FHIT: variants seen among roughly 807,000 people sequenced by gnomAD.
FHIT encodes the protein fragile histidine triad diadenosine triphosphatase, also known as bis(5'-adenosyl)-triphosphatase.
Under a neutral mutation model 17.9 loss-of-function variants are expected in FHIT, and 19 were observed. The ratio of observed to expected loss-of-function variants is 1.06; its 90% CI spans 0.74 to 1.56. The LOEUF (loss-of-function observed/expected upper bound fraction) is 1.56. Ranked by LOEUF, FHIT falls within the 40% of genes most tolerant of loss-of-function variation. The probability of loss-of-function intolerance (pLI) is 0.00; values close to 1 mark genes in which losing one functional copy is unlikely to be tolerated. For synonymous variants in FHIT, 81 were observed against 69.7 expected, an observed-to-expected ratio of 1.16 and a Z score of -0.81; for missense variants, 248 against 189.2, an observed-to-expected ratio of 1.31 and a Z score of -1.82.
Position 60,796,581 on chromosome 3 carries a change from GTTGT to G in FHIT, c.-18+25334_-18+25337del, listed in dbSNP as rs200513221. 7.5e-4 allele frequency among the ~76,000 whole-genome samples: 114 copies of G among 152,140 alleles called. 1 individual carries two copies. The East Asian group carries it at 0.016, about 22-fold the overall frequency. On this transcript the variant is annotated intron_variant, in intron 4 of 9. Transcript: ENST00000492590. ...TAAGAGTTGTTTATCAAAGAGGGTT[GTTGT>G]TTGTTTGTTTGTTTTGAGATGGAGT...
At chr3:61,233,870 T>C (rs2040165585) in intron 1 of FHIT, among the ~76,000 whole-genome samples, 1 of 152,174 alleles carries the variant, frequency 6.6e-6, no homozygotes, top group African/African-American at 2.4e-5. Flanking sequence ...AACTGCAAGA[T>C]ACACTCTCCT....
intron 4 of FHIT, among the ~76,000 whole-genome samples, chr3:60,632,062 G>A (rs564648028): frequency 6.8e-6 from 1 of 147,948 alleles, no homozygotes; most frequent in Non-Finnish European, 1.5e-5. Context: ...GCTCTTGGCT[G>A]GGGAGAATTT....
intron 5 of FHIT, among the ~76,000 whole-genome samples, chr3:60,101,306 C>A (rs1309164638): frequency 6.6e-6 from 1 of 152,228 alleles, no homozygotes; most frequent in African/African-American, 2.4e-5. Context: ...ATGTCCACCT[C>A]GGGCCACTCT....
At chr3:59,975,916 A>G (rs1484079172) in intron 7 of FHIT, among the ~76,000 whole-genome samples, 1 of 152,102 alleles carries the variant, frequency 6.6e-6, no homozygotes, top group East Asian at 1.9e-4. Context: ...CTTTACCGTC[A>G]CAGAGAGTAA....
rs140194767 is a variant in FHIT, at chr3:60,997,097, CTT to C, written c.-111+44948_-111+44949del. Among the ~76,000 whole-genome samples, 764 of 152,296 alleles carry C rather than the reference CTT, an allele frequency of 5.0e-3. 6 individuals carry two copies. The highest frequency in any genetic ancestry group is 0.017 in the African/African-American group (707 of 41,572). On this transcript the variant is annotated intron_variant, in intron 3 of 9. Coordinates refer to ENST00000492590, the MANE Select transcript of FHIT (RefSeq NM_002012.4). ...GGTTTCCAAGGTTTCTCTGGGAACT[CTT>C]TGGTCTGTTGTTGCTGTTCTTTATT...
chr3:61,120,762 G>A (rs2036434786), intron 2 of FHIT, among the ~76,000 whole-genome samples: 1 of 152,080 alleles, frequency 6.6e-6, no homozygotes, highest in Admixed American at 6.6e-5. Flanking sequence ...ATTGACAGAA[G>A]TAGGCTTCAG....
intron 3 of FHIT, among the ~76,000 whole-genome samples, chr3:60,886,582 G>A (rs1324590908): frequency 6.6e-6 from 1 of 152,084 alleles, no homozygotes; most frequent in Non-Finnish European, 1.5e-5. Flanking sequence ...AGGGGCAGTT[G>A]GCATCAAGAC....
At chr3:60,167,221 G>C (rs997496868) in intron 5 of FHIT, among the ~76,000 whole-genome samples, 6 of 152,140 alleles carry the variant, frequency 3.9e-5, no homozygotes, top group African/African-American at 1.2e-4. Context: ...CAAGTGTTTT[G>C]TGAATGTCAC....
intron 4 of FHIT, among the ~76,000 whole-genome samples, chr3:60,707,940 G>A (rs1553703951): frequency 6.6e-6 from 1 of 152,158 alleles, no homozygotes; most frequent in African/African-American, 2.4e-5. Context: ...AAAACTCTGT[G>A]TGGCATTTTG....
At chr3:60,325,277 T>C (rs927582047) in intron 5 of FHIT, among the ~76,000 whole-genome samples, 1 of 152,176 alleles carries the variant, frequency 6.6e-6, no homozygotes, top group Non-Finnish European at 1.5e-5. Flanking sequence ...AGATTCCAAA[T>C]TAAATTACCA....
chr3:59,826,988 A>G (rs1701000910), intron 8 of FHIT, among the ~76,000 whole-genome samples: 1 of 152,186 alleles, frequency 6.6e-6, no homozygotes, highest in African/African-American at 2.4e-5. Flanking sequence ...CTCTCACACA[A>G]TTAAAGACAG....
intron 8 of FHIT, among the ~76,000 whole-genome samples, chr3:59,873,898 G>T (rs1056872451): frequency 6.6e-6 from 1 of 152,084 alleles, no homozygotes; most frequent in Non-Finnish European, 1.5e-5. Context: ...CAGCAACCTT[G>T]CTCTGTTCTC....
chr3:60,598,670 G>A (rs895710750), intron 4 of FHIT, among the ~76,000 whole-genome samples: 4 of 152,102 alleles, frequency 2.6e-5, no homozygotes, highest in African/African-American at 7.2e-5. Flanking sequence ...GTCAAATTTC[G>A]CTTTGCTTAC....
chr3:60,387,118 G>T (rs896181000), intron 5 of FHIT, among the ~76,000 whole-genome samples: 1 of 149,126 alleles, frequency 6.7e-6, no homozygotes, highest in African/African-American at 2.5e-5. Context: ...CTCCTGAGTA[G>T]CTGGGATTAC....
chr3:60,682,223 G>A (rs562348807), intron 4 of FHIT, among the ~76,000 whole-genome samples: 58 of 152,032 alleles, frequency 3.8e-4, no homozygotes, highest in Non-Finnish European at 5.9e-4. Flanking sequence ...TGCCTGCCTC[G>A]GCCTCCCACA....
intron 5 of FHIT, among the ~76,000 whole-genome samples, chr3:60,457,042 G>T (rs535062728): frequency 4.7e-4 from 71 of 152,238 alleles, no homozygotes; most frequent in Non-Finnish European, 8.7e-4. Flanking sequence ...TCCCCATCAA[G>T]ATACTAAGGA....
intron 2 of FHIT, among the ~76,000 whole-genome samples, chr3:61,098,124 T>C (rs369045926): frequency 4.6e-5 from 7 of 152,138 alleles, no homozygotes; most frequent in African/African-American, 1.7e-4. Flanking sequence ...TTAATTTTTG[T>C]ATATGATATA....
At chr3:59,907,762 T>C (rs1704654004) in intron 8 of FHIT, among the ~76,000 whole-genome samples, 2 of 152,208 alleles carry the variant, frequency 1.3e-5, no homozygotes, top group South Asian at 4.1e-4. Context: ...AAATGTATTA[T>C]CTTACAGCAC....
At chr3:60,589,022 T>C (rs1208847074) in intron 4 of FHIT, among the ~76,000 whole-genome samples, 4 of 152,026 alleles carry the variant, frequency 2.6e-5, no homozygotes, top group African/African-American at 9.7e-5. Context: ...GAAAGACTCC[T>C]CGTTGGAGCC....
Sources: allele counts gnomAD v4.1 joint callset (sites outside exome capture counted in the v4.1 genomes callset), GRCh38; gene constraint gnomAD v4.1.1; transcripts MANE v1.5; gene names NCBI Gene and HGNC (gene_info 2026-07-23, HGNC 2026-07-21).